STK32C: variants seen among roughly 807,000 people sequenced by gnomAD.
STK32C encodes the protein serine/threonine kinase 32C.
Under a neutral mutation model 56.5 loss-of-function variants are expected in STK32C, and 31 were observed. The ratio of observed to expected loss-of-function variants is 0.55; its 90% CI spans 0.41 to 0.74. STK32C has a LOEUF of 0.74. STK32C is among the 30% of genes least tolerant of loss of function. The pLI is 0.00. For synonymous variants in STK32C, 309 were observed against 289.4 expected (o/e 1.07, Z -0.69); for missense variants, 544 against 676.9 (o/e 0.80, Z 2.18).
intron 1 of STK32C, among the ~76,000 whole-genome samples, chr10:132,264,914 A>G (rs1465239012): frequency 2.0e-5 from 3 of 152,232 alleles, no homozygotes; most frequent in African/African-American, 7.2e-5. Flanking sequence ...ACGTTAAACT[A>G]TGTTAAATTC....
intron 1 of STK32C, among the ~76,000 whole-genome samples, chr10:132,315,502 C>CA (rs2066294458): frequency 1.3e-5 from 2 of 151,792 alleles, no homozygotes; most frequent in African/African-American, 4.8e-5. Context: ...ATAGATAGCA[C>CA]AAAAAAAGAA....
chr10:132,324,721 C>A (rs1295478408), intron 1 of STK32C, among the ~76,000 whole-genome samples: 1 of 152,192 alleles, frequency 6.6e-6, no homozygotes, highest in Non-Finnish European at 1.5e-5. Context: ...ATATGAGTGA[C>A]CATGGCCCAA....
chr10:132,275,616 C>T (rs1192639767), intron 1 of STK32C, among the ~76,000 whole-genome samples: 5 of 152,204 alleles, frequency 3.3e-5, no homozygotes. Flanking sequence ...AGCCAGGCCA[C>T]GGGGCCAGTG....
chr10:132,319,273 G>A (rs2066362366), downstream of STK32C, among the ~76,000 whole-genome samples: 1 of 152,108 alleles, frequency 6.6e-6, no homozygotes, highest in South Asian at 2.1e-4. Flanking sequence ...CTGGAAAACA[G>A]TTCATTTATT....
intron 11 of STK32C, 119 bp downstream of exon 11, chr10:132,208,915 A>G: frequency 1.1e-6 from 1 of 890,696 alleles, no homozygotes; most frequent in Non-Finnish European, 1.8e-6. Context: ...GTCCCCAAAG[A>G]GAGCAGGGCC....
intron 1 of STK32C, among the ~76,000 whole-genome samples, chr10:132,273,395 G>C (rs1219962625): frequency 6.6e-6 from 1 of 152,230 alleles, no homozygotes; most frequent in East Asian, 1.9e-4. Context: ...CTCCAGATCT[G>C]TTCTCAACAA....
At chr10:132,244,178 C>T (rs553276274) in intron 2 of STK32C, among the ~76,000 whole-genome samples, 2 of 152,262 alleles carry the variant, frequency 1.3e-5, no homozygotes, top group Admixed American at 6.5e-5. Context: ...CAACAAGCGC[C>T]GCACAGAACC....
At chr10:132,225,194 G>T in intron 7 of STK32C, 39 bp downstream of exon 7, 2 of 1,527,098 alleles carry the variant, frequency 1.3e-6, no homozygotes, top group Non-Finnish European at 1.8e-6. Context: ...GAGAGCAGGG[G>T]CCTGGCAGCC....
intron 1 of STK32C, among the ~76,000 whole-genome samples, chr10:132,263,864 T>TGAAAA (rs1431036271): frequency 1.6e-5 from 1 of 63,282 alleles, no homozygotes; most frequent in Non-Finnish European, 3.9e-5. Flanking sequence ...AGACTCCATC[T>TGAAAA]CAAAAAAAAA....
chr10:132,240,810 T>C (rs2063474490), intron 2 of STK32C, among the ~76,000 whole-genome samples: 1 of 150,862 alleles, frequency 6.6e-6, no homozygotes, highest in Non-Finnish European at 1.5e-5. Context: ...CCACTTAGGG[T>C]CAAGGGGCGG....
chr10:132,209,165 A>G, intron 10 of STK32C, 64 bp from the exon 11 acceptor site: 2 of 1,473,382 alleles, frequency 1.4e-6, no homozygotes, highest in Non-Finnish European at 1.9e-6. Context: ...ATGTCCCCTC[A>G]AGTGAGTGTC....
chr10:132,278,901 G>A (rs1014731478), intron 1 of STK32C, among the ~76,000 whole-genome samples: 9 of 152,134 alleles, frequency 5.9e-5, no homozygotes, highest in African/African-American at 1.9e-4. Context: ...ACGGGGCAGA[G>A]GCCACGAGGG....
intron 2 of STK32C, among the ~76,000 whole-genome samples, chr10:132,236,702 G>C (rs2063307050): frequency 6.6e-6 from 1 of 152,200 alleles, no homozygotes; most frequent in Non-Finnish European, 1.5e-5. Flanking sequence ...CCGGCAGCCA[G>C]AGATAGAAAC....
At chr10:132,244,767 G>A (rs1365880653) in intron 2 of STK32C, among the ~76,000 whole-genome samples, 1 of 152,186 alleles carries the variant, frequency 6.6e-6, no homozygotes, top group African/African-American at 2.4e-5. Context: ...TCGTGCACCC[G>A]CTGTGGGCCT....
At chr10:132,263,703 C>CA (rs369596906) in intron 1 of STK32C, among the ~76,000 whole-genome samples, 17,420 of 138,756 alleles carry the variant, frequency 0.13, 1,605 homozygotes, top group African/African-American at 0.26. Flanking sequence ...ACAAAAAATA[C>CA]AAAAAAAAAA....
intron 2 of STK32C, among the ~76,000 whole-genome samples, chr10:132,232,400 TC>T (rs2063135388): frequency 6.6e-6 from 1 of 152,032 alleles, no homozygotes; most frequent in South Asian, 2.1e-4. Context: ...TGCAGGAGGC[TC>T]CAACGAGCGG....
Position 132,225,676 on chromosome 10 carries a change from G to A in STK32C, c.683-60C>T, listed in dbSNP as rs1164642902. 3 of 1,610,358 alleles carry A rather than the reference G, an allele frequency of 1.9e-6. No individual in the cohort carries two copies. The Admixed American group carries it at 5.0e-5, about 27-fold the overall frequency. On this transcript the variant is annotated intron_variant, in intron 5 of 11. Coordinates refer to ENST00000298630, the MANE Select transcript of STK32C (RefSeq NM_173575.4). ...GACCAGAGATGCATCCTTGCGTGCA[G>A]GATCCTCCTCCCCTGACAGGCCCAT...
At position 132,227,026 on chromosome 10, in the gene STK32C, C is replaced by T. The variant is rs1363718825; in HGVS notation, c.471-58G>A. 3 of 1,581,726 alleles carry T rather than the reference C, an allele frequency of 1.9e-6. No individual in the cohort carries two copies. The African/African-American group carries it at 4.0e-5, about 21-fold the overall frequency. On this transcript the variant is annotated intron_variant, in intron 3 of 11. Coordinates refer to ENST00000298630, the MANE Select transcript of STK32C (RefSeq NM_173575.4). ...ACAGCTGGGGAGCCAGTCATGGCTG[C>T]TCCCACAGCTGACACACTCCCCCTA...
chr10:132,221,452 T>A (rs1425577285), intron 10 of STK32C, among the ~76,000 whole-genome samples: 3 of 78,716 alleles, frequency 3.8e-5, no homozygotes, highest in African/African-American at 1.6e-4. Flanking sequence ...CTGCACACAC[T>A]CACAACTGAC....
Sources: gnomAD v4.1 joint callset for allele counts (sites outside exome capture counted in the v4.1 genomes callset) on GRCh38, gnomAD v4.1.1 for gene constraint, MANE v1.5 for transcripts, NCBI Gene and HGNC (gene_info 2026-07-23, HGNC 2026-07-21) for gene names.